DUXA: variants seen among roughly 807,000 people sequenced by gnomAD.
DUXA encodes the protein double homeobox A.
DUXA carries 25 observed loss-of-function variants against 27.5 expected under a neutral mutation model. That is an observed-to-expected ratio of 0.91 (90% CI 0.66 to 1.27). The LOEUF (loss-of-function observed/expected upper bound fraction) is 1.27, where lower values mean the gene tolerates loss of function less well. Among genes scored for constraint, DUXA ranks in the 50% most tolerant of loss-of-function variants. DUXA has a pLI of 0.00. For missense variants in DUXA, 247 were observed against 242.9 expected, an observed-to-expected ratio of 1.02 and a Z score of -0.11; for synonymous variants, 90 against 80.5, an observed-to-expected ratio of 1.12 and a Z score of -0.63.
chr19:57,157,342 T>A (rs965132994), intron 4 of DUXA, among the ~76,000 whole-genome samples: 60 of 152,078 alleles, frequency 3.9e-4, no homozygotes, highest in African/African-American at 1.4e-3. Context: ...CTCATAATTT[T>A]TTTTTTCAAG....
intron 5 of DUXA, among the ~76,000 whole-genome samples, 185 bp from the exon 6 acceptor site, chr19:57,154,667 C>G (rs1212302238): frequency 4.6e-5 from 7 of 151,848 alleles, no homozygotes; most frequent in African/African-American, 1.7e-4. Context: ...GGGTTCACGC[C>G]ATGCTCCTGC....
rs533054740 is a variant in DUXA, at chr19:57,160,844, A to G, written c.26-47T>C. 9 of 1,601,212 alleles carry G rather than the reference A, an allele frequency of 5.6e-6. No homozygotes were observed. In the African/African-American group the frequency reaches 1.1e-4, roughly 19 times the overall value. On this transcript the variant is annotated intron_variant, in intron 1 of 5. Transcript: ENST00000554048. ...AGAAGCATGTAATAGGTTAATTTAT[A>G]TACTCAAACTTCAGGTTCAAGCTAG... is the stretch of plus-strand genomic sequence containing the variant.
intron 4 of DUXA, among the ~76,000 whole-genome samples, chr19:57,155,646 A>AAGATGATAGATAGATAGAT (rs150313411): frequency 1.4e-5 from 2 of 144,012 alleles, no homozygotes; most frequent in African/African-American, 2.6e-5. Context: ...TGCCCAACCC[A>AAGATGATAGATAGATAGAT]AGATAGATAG....
At chr19:57,155,157 G>A (rs1400080887) in intron 5 of DUXA, 110 bp downstream of exon 5, 1 of 938,174 alleles carries the variant, frequency 1.1e-6, no homozygotes, top group Non-Finnish European at 1.7e-6. Flanking sequence ...GAGCACTTGA[G>A]TGGGGATATC....
At chr19:57,154,721 G>A (rs1022823541) in intron 5 of DUXA, among the ~76,000 whole-genome samples, 14 of 152,092 alleles carry the variant, frequency 9.2e-5, no homozygotes, top group Admixed American at 5.9e-4. Context: ...CCGCCACCAC[G>A]CTCGGCTAAT....
chr19:57,164,790 C>A (rs908689790), intron 1 of DUXA, among the ~76,000 whole-genome samples: 5 of 152,066 alleles, frequency 3.3e-5, no homozygotes, highest in Admixed American at 6.6e-5. Flanking sequence ...ATGCATATGT[C>A]CCTTTGTGTT....
chr19:57,165,535 G>A (rs1027093211), intron 1 of DUXA, among the ~76,000 whole-genome samples: 3 of 150,848 alleles, frequency 2.0e-5, no homozygotes, highest in Non-Finnish European at 3.0e-5. Flanking sequence ...GCCGGGCACG[G>A]TGGCTCACGC....
chr19:57,157,199 G>A (rs1053291278), intron 4 of DUXA, among the ~76,000 whole-genome samples: 26 of 152,166 alleles, frequency 1.7e-4, no homozygotes, highest in African/African-American at 4.6e-4. Flanking sequence ...ACAGGAGGGA[G>A]CACTGGTTTA....
intron 4 of DUXA, among the ~76,000 whole-genome samples, chr19:57,155,702 T>C (rs572591055): frequency 1.3e-5 from 2 of 151,988 alleles, no homozygotes; most frequent in South Asian, 4.2e-4. Flanking sequence ...GGAGTCTCAC[T>C]CGGTCACCCA....
chr19:57,161,689 G>A (rs976632580), intron 1 of DUXA, among the ~76,000 whole-genome samples: 7 of 151,990 alleles, frequency 4.6e-5, no homozygotes, highest in African/African-American at 1.4e-4. Context: ...TCATGAAAAT[G>A]CCAATAATTT....
intron 1 of DUXA, among the ~76,000 whole-genome samples, chr19:57,161,336 A>AAAAC (rs1387354339): frequency 7.1e-6 from 1 of 140,268 alleles, no homozygotes; most frequent in South Asian, 2.3e-4. Context: ...AAAAAAAAAA[A>AAAAC]AAAAAAACTG....
At chr19:57,157,336 T>C (rs1404951697) in intron 4 of DUXA, among the ~76,000 whole-genome samples, 1 of 151,984 alleles carries the variant, frequency 6.6e-6, no homozygotes, top group Non-Finnish European at 1.5e-5. Flanking sequence ...GTGGACCTCA[T>C]AATTTTTTTT....
chr19:57,162,849 C>T (rs546569658), intron 1 of DUXA, among the ~76,000 whole-genome samples: 15 of 152,254 alleles, frequency 9.9e-5, no homozygotes, highest in East Asian at 1.9e-4. Context: ...GCTGGGATTA[C>T]GGGTGTGAGC....
At chr19:57,160,862 C>G (rs910285779) in intron 1 of DUXA, 65 bp from the exon 2 acceptor site, 18 of 1,569,326 alleles carry the variant, frequency 1.1e-5, no homozygotes, top group Non-Finnish European at 1.6e-5. Context: ...ACTTCAGGTT[C>G]AAGCTAGTCT....
At position 57,160,632 on chromosome 19, in the gene DUXA, C is replaced by G; in HGVS notation, c.180+11G>C. 6.2e-7 allele frequency: 1 copy of G among 1,611,564 alleles called. No homozygotes were observed. On this transcript the variant is annotated intron_variant, in intron 2 of 5. Coordinates refer to ENST00000554048, the MANE Select transcript of DUXA (RefSeq NM_001012729.2). Reference sequence around the variant, plus strand: ...TACTTCCAGTCCTGGAGATATTGAACTTTAACTTACCTGGATTCTGGACTC... The same window carrying G: ...TACTTCCAGTCCTGGAGATATTGAAGTTTAACTTACCTGGATTCTGGACTC...
At chr19:57,157,658 A>G (rs2086999090) in intron 4 of DUXA, among the ~76,000 whole-genome samples, 1 of 151,784 alleles carries the variant, frequency 6.6e-6, no homozygotes, top group Non-Finnish European at 1.5e-5. Context: ...ACCTCAGGGC[A>G]TAATTAGAAG....
chr19:57,163,101 T>C (rs1053206765), intron 1 of DUXA, among the ~76,000 whole-genome samples: 1 of 152,010 alleles, frequency 6.6e-6, no homozygotes, highest in Non-Finnish European at 1.5e-5. Context: ...CTAACTTCCA[T>C]CTGACCCCCA....
In DUXA at chr19:57,159,194, G is replaced by GC; in HGVS notation, c.264dup (p.Gln89AlafsTer11). ...TGAAACTCCACACCAGGTTGATCTTGCCCCTGGCTCTGGCTTGATTCTAAA... is the reference window on the plus strand; with the variant it reads ...TGAAACTCCACACCAGGTTGATCTTGCCCCCTGGCTCTGGCTTGATTCTAAA... On this transcript the variant is annotated frameshift_variant, in exon 3 of 6. Transcript: ENST00000554048. LOFTEE classifies it high-confidence loss of function. 1 of 1,614,148 alleles carries GC rather than the reference G, an allele frequency of 6.2e-7. No homozygotes were observed. The highest frequency in any genetic ancestry group is 8.5e-7 in the Non-Finnish European group (1 of 1,180,014).
intron 1 of DUXA, among the ~76,000 whole-genome samples, chr19:57,164,145 A>T (rs2087038953): frequency 6.6e-6 from 1 of 152,214 alleles, no homozygotes; most frequent in Non-Finnish European, 1.5e-5. Flanking sequence ...CTGATGCAAA[A>T]ATCCTCAACA....
Sources: gnomAD v4.1 joint callset for allele counts (sites outside exome capture counted in the v4.1 genomes callset) on GRCh38, gnomAD v4.1.1 for gene constraint, MANE v1.5 for transcripts, NCBI Gene and HGNC (gene_info 2026-07-23, HGNC 2026-07-21) for gene names.